Variants in KSR2 observed in about 807,000 individuals in gnomAD.
KSR2 encodes the protein kinase suppressor of ras 2.
KSR2 carries 25 observed loss-of-function variants against 107.8 expected under a neutral mutation model. The observed-to-expected ratio is 0.23, with a 90% CI of 0.17 to 0.32. The LOEUF (loss-of-function observed/expected upper bound fraction) is 0.32, where lower values mean the gene tolerates loss of function less well. Among genes scored for constraint, KSR2 ranks in the 10% least tolerant of loss-of-function variants. KSR2 has a pLI of 1.00. For missense variants in KSR2, 887 were observed against 1,268.9 expected, an observed-to-expected ratio of 0.70 and a Z score of 4.57; for synonymous variants, 480 against 507.0, an observed-to-expected ratio of 0.95 and a Z score of 0.71.
intron 3 of KSR2, among the ~76,000 whole-genome samples, chr12:117,777,090 A>T (rs190105506): frequency 0.011 from 1,243 of 118,266 alleles, 30 homozygotes; most frequent in African/African-American, 0.042. Flanking sequence ...TATATATTTT[A>T]TATATATATA....
chr12:117,850,590 T>C (rs1419587869), intron 3 of KSR2, among the ~76,000 whole-genome samples: 1 of 152,166 alleles, frequency 6.6e-6, no homozygotes, highest in East Asian at 1.9e-4. Flanking sequence ...CAAGGATTGC[T>C]TGAGCTCAGG....
At chr12:117,580,649 G>T (rs1187014896) in intron 6 of KSR2, among the ~76,000 whole-genome samples, 1 of 152,256 alleles carries the variant, frequency 6.6e-6, no homozygotes, top group Non-Finnish European at 1.5e-5. Flanking sequence ...CATAGGGAGA[G>T]ACTGAAGAGT....
chr12:117,848,889 ATGG>A (rs1892817858), intron 3 of KSR2, among the ~76,000 whole-genome samples: 1 of 121,140 alleles, frequency 8.3e-6, no homozygotes, highest in South Asian at 2.4e-4. Context: ...AACAATAGTG[ATGG>A]TGGTGGTGGT....
chr12:117,497,044 AT>A (rs1296974224), intron 14 of KSR2, among the ~76,000 whole-genome samples: 4 of 151,500 alleles, frequency 2.6e-5, no homozygotes, highest in African/African-American at 9.7e-5. Context: ...TGCTTGGCTA[AT>A]TTTTATATTT....
intron 13 of KSR2, among the ~76,000 whole-genome samples, chr12:117,525,678 C>T (rs1453491385): frequency 6.6e-6 from 1 of 152,192 alleles, no homozygotes; most frequent in East Asian, 1.9e-4. Flanking sequence ...TGTTTACGTG[C>T]ATGTGATAAA....
chr12:117,855,665 A>G (rs1428739103), intron 2 of KSR2, 87 bp from the exon 3 acceptor site: 2 of 1,367,814 alleles, frequency 1.5e-6, no homozygotes. Flanking sequence ...CTAGAGGAGA[A>G]CACTCCGCAG....
intron 14 of KSR2, among the ~76,000 whole-genome samples, chr12:117,508,111 G>A (rs565002423): frequency 6.6e-6 from 1 of 152,340 alleles, no homozygotes; most frequent in East Asian, 1.9e-4. Context: ...CCTGCTGCCT[G>A]TATTTTCCTT....
intron 5 of KSR2, among the ~76,000 whole-genome samples, chr12:117,623,757 G>T (rs951408115): frequency 6.6e-6 from 1 of 152,232 alleles, no homozygotes; most frequent in Admixed American, 6.5e-5. Context: ...TAATGGGATT[G>T]CTGGGTCAAA....
chr12:117,807,232 GGAAACCGAGTGTATTTTA>G (rs1457193027), intron 3 of KSR2, among the ~76,000 whole-genome samples: 3 of 152,106 alleles, frequency 2.0e-5, no homozygotes, highest in Non-Finnish European at 2.9e-5. Flanking sequence ...CGGGCCTCTT[GGAAACCGAGTGTATTTTA>G]GAAACCCACC....
intron 3 of KSR2, among the ~76,000 whole-genome samples, chr12:117,850,162 C>A (rs1892865919): frequency 6.6e-6 from 1 of 152,156 alleles, no homozygotes; most frequent in Non-Finnish European, 1.5e-5. Context: ...ACTGGTTCCC[C>A]CTGGTGGACA....
chr12:117,677,764 G>C lies in KSR2; in HGVS notation c.987-10106C>G, dbSNP rs548051712. On this transcript the variant is annotated intron_variant, in intron 4 of 19. Transcript: ENST00000339824. ...TCTCTGTCTGCCAACTAGAATATGA[G>C]CTCTATCTCAATGTTGCTTACCAAT... Among the ~76,000 whole-genome samples the C allele has an allele frequency of 3.3e-5, 5 of 152,302 alleles. No homozygotes were observed. In the East Asian group the frequency reaches 9.6e-4, roughly 29 times the overall value.
At chr12:117,751,519 C>T (rs1413856971) in intron 4 of KSR2, among the ~76,000 whole-genome samples, 1 of 152,176 alleles carries the variant, frequency 6.6e-6, no homozygotes, top group Non-Finnish European at 1.5e-5. Flanking sequence ...TGTTGGTAGA[C>T]TGCATCTGGA....
intron 3 of KSR2, among the ~76,000 whole-genome samples, chr12:117,810,648 T>C (rs956445078): frequency 6.6e-6 from 1 of 152,194 alleles, no homozygotes; most frequent in Non-Finnish European, 1.5e-5. Flanking sequence ...CGACTGGCAA[T>C]TAAATTATCA....
intron 5 of KSR2, among the ~76,000 whole-genome samples, chr12:117,619,044 G>C (rs973000504): frequency 3.3e-5 from 5 of 151,994 alleles, no homozygotes; most frequent in African/African-American, 4.8e-5. Context: ...AGGACCCTAG[G>C]GGGACACAGA....
intron 6 of KSR2, 34 bp from the exon 7 acceptor site, chr12:117,579,236 AG>A: frequency 1.3e-6 from 2 of 1,505,900 alleles, no homozygotes; most frequent in Non-Finnish European, 1.8e-6. Flanking sequence ...TTCAAGGTTA[AG>A]GAAATGGCGA....
intron 7 of KSR2, among the ~76,000 whole-genome samples, chr12:117,558,931 C>T (rs864637): frequency 0.92 from 140,339 of 152,006 alleles, 64,893 homozygotes; most frequent in Middle Eastern, 0.96. Flanking sequence ...GATGGATAGA[C>T]AGATGACTAG....
chr12:117,959,679 T>C (rs7486534), intron 1 of KSR2, among the ~76,000 whole-genome samples: 114,984 of 152,080 alleles, frequency 0.76, 43,745 homozygotes, highest in African/African-American at 0.84. Context: ...ACCTGTAATC[T>C]CAGCACTTTG....
At chr12:117,579,913 G>C (rs557512463) in intron 6 of KSR2, among the ~76,000 whole-genome samples, 2 of 152,114 alleles carry the variant, frequency 1.3e-5, no homozygotes, top group Admixed American at 1.3e-4. Flanking sequence ...TTAACTCCCT[G>C]GGCACATCTC....
intron 5 of KSR2, among the ~76,000 whole-genome samples, chr12:117,589,371 G>T (rs1880187531): frequency 6.6e-6 from 1 of 152,138 alleles, no homozygotes; most frequent in Non-Finnish European, 1.5e-5. Flanking sequence ...ATGTGATTTA[G>T]TTGTATTATT....
Sources: gnomAD v4.1 joint callset for allele counts (sites outside exome capture counted in the v4.1 genomes callset) on GRCh38, gnomAD v4.1.1 for gene constraint, MANE v1.5 for transcripts, NCBI Gene and HGNC (gene_info 2026-07-23, HGNC 2026-07-21) for gene names.